The following RARB variants were observed in gnomAD, a reference collection of about 807,000 sequenced individuals.
RARB encodes retinoic acid receptor beta, also known as HBV-activated protein.
Under a neutral mutation model 51.9 loss-of-function variants are expected in RARB, and 17 were observed. The observed-to-expected ratio is 0.33, with a 90% CI of 0.22 to 0.49. The LOEUF is 0.49. RARB is among the 20% of genes least tolerant of loss of function. RARB has a pLI of 0.99. For missense variants in RARB, 369 were observed against 550.8 expected (o/e 0.67, Z 3.30); for synonymous variants, 215 against 195.4 (o/e 1.10, Z -0.84).
chr3:24,838,927 GTT>G (rs71295101), intron 1 of RARB, among the ~76,000 whole-genome samples: 2 of 146,194 alleles, frequency 1.4e-5, no homozygotes. Flanking sequence ...AAATCTCCAG[GTT>G]TTTTTTTTTT....
intron 2 of RARB, among the ~76,000 whole-genome samples, chr3:25,004,854 A>T (rs577906215): frequency 1.1e-4 from 16 of 152,244 alleles, no homozygotes; most frequent in South Asian, 8.3e-4. Context: ...TATAAAATAA[A>T]ATTCTACTGC....
intron 4 of RARB, among the ~76,000 whole-genome samples, chr3:25,142,320 G>T (rs1426275446): frequency 2.0e-5 from 3 of 152,028 alleles, no homozygotes; most frequent in South Asian, 4.2e-4. Flanking sequence ...AGCAACAAGA[G>T]CAAGACTCCA....
chr3:25,266,007 A>G (rs930564293), intron 5 of RARB, among the ~76,000 whole-genome samples: 1 of 152,124 alleles, frequency 6.6e-6, no homozygotes, highest in South Asian at 2.1e-4. Flanking sequence ...TGCCATTTCT[A>G]TAGTTCTCCC....
intron 5 of RARB, among the ~76,000 whole-genome samples, chr3:25,353,912 T>G (rs6784604): frequency 0.84 from 128,436 of 152,028 alleles, 54,558 homozygotes; most frequent in East Asian, 1. Context: ...AGAACAAGAG[T>G]TTTGCAAATC....
chr3:25,455,797 A>T (rs570858164), intron 1 of RARB, among the ~76,000 whole-genome samples: 2 of 152,292 alleles, frequency 1.3e-5, no homozygotes, highest in South Asian at 2.1e-4. Flanking sequence ...AGCAGTTTGG[A>T]TGCCACATTG....
chr3:25,334,032 G>T (rs181006981), intron 5 of RARB, among the ~76,000 whole-genome samples: 23 of 152,308 alleles, frequency 1.5e-4, no homozygotes, highest in African/African-American at 5.3e-4. Flanking sequence ...GGAACAACAG[G>T]TGCTGGAGAG....
chr3:25,105,032 A>G (rs921812387), intron 3 of RARB, among the ~76,000 whole-genome samples: 13 of 152,244 alleles, frequency 8.5e-5, no homozygotes, highest in African/African-American at 1.7e-4. Context: ...GTACTTTTCT[A>G]TAAGAATTAA....
intron 5 of RARB, among the ~76,000 whole-genome samples, chr3:25,322,118 TG>T (rs1388199473): frequency 6.7e-6 from 1 of 148,678 alleles, no homozygotes. Context: ...AGCGCAGCAT[TG>T]GGTCTGGAGG....
intron 5 of RARB, among the ~76,000 whole-genome samples, chr3:25,201,397 C>G (rs1575214815): frequency 6.6e-6 from 1 of 152,278 alleles, no homozygotes; most frequent in East Asian, 1.9e-4. Context: ...TTGACTTTCC[C>G]TTTTCCTGAT....
At chr3:24,996,748 A>G (rs1355094165) in intron 2 of RARB, among the ~76,000 whole-genome samples, 1 of 151,878 alleles carries the variant, frequency 6.6e-6, no homozygotes, top group Non-Finnish European at 1.5e-5. Context: ...ATTTCCAGGT[A>G]TTTGTAAAGT....
chr3:25,372,233 T>C (rs1706322648), intron 5 of RARB, among the ~76,000 whole-genome samples: 1 of 152,256 alleles, frequency 6.6e-6, no homozygotes, highest in African/African-American at 2.4e-5. Context: ...GGCATTTCAT[T>C]CTGGATAATT....
chr3:24,864,956 T>G (rs553928608), intron 2 of RARB, among the ~76,000 whole-genome samples: 41 of 152,330 alleles, frequency 2.7e-4, no homozygotes, highest in Non-Finnish European at 4.3e-4. Flanking sequence ...GAAAAGACTC[T>G]TGTTCACAAT....
intron 4 of RARB, among the ~76,000 whole-genome samples, chr3:25,152,180 T>C (rs1210685535): frequency 1.3e-5 from 2 of 152,238 alleles, no homozygotes; most frequent in Non-Finnish European, 2.9e-5. Flanking sequence ...GTTTATAAAG[T>C]GAAATAGTTT....
intron 2 of RARB, among the ~76,000 whole-genome samples, chr3:24,922,870 G>A (rs959276023): frequency 1.3e-5 from 2 of 152,156 alleles, no homozygotes; most frequent in Non-Finnish European, 2.9e-5. Flanking sequence ...GACCCTTAGA[G>A]TCTTCATGGT....
rs116456968 is a variant in RARB, at chr3:25,227,148, C to T, written c.178+52573C>T. 2.4e-3 allele frequency among the ~76,000 whole-genome samples: 371 copies of T among 152,040 alleles called. 2 individuals carry two copies. The highest frequency in any genetic ancestry group is 8.1e-3 in the African/African-American group (335 of 41,472). ...TTTAAGAGATGTTCTTTGATGGGCT[C>T]GTGGGCTCACTGAGGAGGTAAATAT... is the stretch of plus-strand genomic sequence containing the variant. On this transcript the variant is annotated intron_variant, in intron 5 of 11. Coordinates refer to the RARB transcript ENST00000383772.
At chr3:25,240,229 G>A (rs1230931793) in intron 5 of RARB, among the ~76,000 whole-genome samples, 1 of 151,816 alleles carries the variant, frequency 6.6e-6, no homozygotes, top group Non-Finnish European at 1.5e-5. Flanking sequence ...GAATTTTGGT[G>A]GAGTCTTTAG....
intron 5 of RARB, among the ~76,000 whole-genome samples, chr3:25,395,604 C>T (rs570537626): frequency 2.6e-4 from 34 of 131,720 alleles, no homozygotes; most frequent in African/African-American, 9.7e-4. Flanking sequence ...TTTTTAAATT[C>T]TTTTTTTTGT....
chr3:25,313,999 A>T (rs1030470914), intron 5 of RARB, among the ~76,000 whole-genome samples: 8 of 152,110 alleles, frequency 5.3e-5, no homozygotes, highest in African/African-American at 1.9e-4. Context: ...GGAGCCCAAG[A>T]GTTGGAGGTT....
intron 1 of RARB, among the ~76,000 whole-genome samples, chr3:25,459,198 C>A (rs1695050672): frequency 6.6e-6 from 1 of 152,158 alleles, no homozygotes; most frequent in Admixed American, 6.5e-5. Context: ...TGAGAGAAAT[C>A]ATCTCTGGGA....
Sources: gnomAD v4.1 joint callset for allele counts (sites outside exome capture counted in the v4.1 genomes callset) on GRCh38, gnomAD v4.1.1 for gene constraint, MANE v1.5 for transcripts, NCBI Gene and HGNC (gene_info 2026-07-23, HGNC 2026-07-21) for gene names.